Variants in DHX8 observed in about 807,000 individuals in gnomAD.
DHX8 encodes the protein DEAH-box helicase 8.
Under a neutral mutation model 140.7 loss-of-function variants are expected in DHX8, and 67 were observed. That is an observed-to-expected ratio of 0.48 (90% confidence interval 0.39 to 0.58). The LOEUF (loss-of-function observed/expected upper bound fraction) is 0.58, where lower values mean the gene tolerates loss of function less well. DHX8 is among the 20% of genes least tolerant of loss of function. The pLI, the probability that DHX8 is intolerant of heterozygous loss-of-function variation, is 0.00. For synonymous variants in DHX8, 533 were observed against 553.2 expected, an observed-to-expected ratio of 0.96 and a Z score of 0.51; for missense variants, 887 against 1,550.7, an observed-to-expected ratio of 0.57 and a Z score of 7.19.
chr17:43,490,742 C>T (rs1458411368), intron 3 of DHX8, among the ~76,000 whole-genome samples: 2 of 152,084 alleles, frequency 1.3e-5, no homozygotes, highest in East Asian at 1.9e-4. Flanking sequence ...GGCATGATGG[C>T]GTGCCTCCGT....
At chr17:43,529,723 C>G (rs769744536), downstream of DHX8, 12 of 1,590,568 alleles carry the variant, frequency 7.5e-6, no homozygotes, top group Non-Finnish European at 1.0e-5. Flanking sequence ...TCTTTTGGTC[C>G]CCCAAGCAAC....
chr17:43,542,735 T>G (rs760494186), intron 3 of DHX8, among the ~76,000 whole-genome samples: 8 of 152,196 alleles, frequency 5.3e-5, no homozygotes, highest in Non-Finnish European at 1.2e-4. Context: ...TTCCTGTATC[T>G]GCCCGGCTCC....
At chr17:43,507,255 A>C (rs532606984) in intron 13 of DHX8, 58 bp downstream of exon 13, 1 of 1,518,012 alleles carries the variant, frequency 6.6e-7, no homozygotes, top group African/African-American at 1.4e-5. Flanking sequence ...AGGTCTCTTA[A>C]TCTATCAAAT....
At chr17:43,526,317 C>T (rs894463038), downstream of DHX8, 21 of 1,422,048 alleles carry the variant, frequency 1.5e-5, no homozygotes, top group South Asian at 3.0e-5. Context: ...ACCCCCACCC[C>T]GCGAGAACCA....
chr17:43,493,142 T>C (rs1968637684), intron 6 of DHX8, 102 bp downstream of exon 6: 4 of 1,468,234 alleles, frequency 2.7e-6, no homozygotes, highest in African/African-American at 1.4e-5. Flanking sequence ...AATGACACTT[T>C]AGTCAAATCA....
intron 11 of DHX8, among the ~76,000 whole-genome samples, chr17:43,501,954 G>A (rs565401872): frequency 1.3e-5 from 2 of 152,308 alleles, no homozygotes; most frequent in Admixed American, 6.5e-5. Context: ...CAAAGAGGAG[G>A]GATGTACTTG....
chr17:43,499,585 T>G (rs1969065602), intron 10 of DHX8, among the ~76,000 whole-genome samples: 1 of 152,226 alleles, frequency 6.6e-6, no homozygotes, highest in Non-Finnish European at 1.5e-5. Flanking sequence ...TCGCTAGTTC[T>G]TCTTTAGGCA....
intron 16 of DHX8, among the ~76,000 whole-genome samples, chr17:43,511,501 A>G (rs1969833830): frequency 1.2e-5 from 1 of 85,698 alleles, no homozygotes; most frequent in Non-Finnish European, 2.1e-5. Context: ...TCTGTCATCC[A>G]GGCTGGAATG....
chr17:43,539,973 T>G (rs992560835), intron 3 of DHX8, among the ~76,000 whole-genome samples: 1 of 152,174 alleles, frequency 6.6e-6, no homozygotes, highest in Non-Finnish European at 1.5e-5. Flanking sequence ...AAACGAGAAC[T>G]TAGGACAAGT....
chr17:43,523,472 G>A (rs1465344402), intron 22 of DHX8, among the ~76,000 whole-genome samples, 156 bp from the exon 23 acceptor site: 2 of 152,202 alleles, frequency 1.3e-5, no homozygotes, highest in Non-Finnish European at 2.9e-5. Context: ...CAGTATTGGG[G>A]TGTGGCTGTC....
At chr17:43,500,642 G>A (rs1029676893) in intron 11 of DHX8, among the ~76,000 whole-genome samples, 7 of 152,014 alleles carry the variant, frequency 4.6e-5, no homozygotes, top group Admixed American at 1.3e-4. Context: ...ATTCTAGCGC[G>A]GTGTCTCATG....
intron 3 of DHX8, among the ~76,000 whole-genome samples, chr17:43,538,050 A>T (rs998526799): frequency 6.6e-6 from 1 of 151,504 alleles, no homozygotes; most frequent in African/African-American, 2.4e-5. Context: ...CTGAGGCAAG[A>T]GAATGGCGTG....
rs149106066 is a variant in DHX8, at chr17:43,536,765, G to T, written c.*20+267G>T. 6.0e-3 allele frequency among the ~76,000 whole-genome samples: 907 copies of T among 152,346 alleles called. 11 individuals carry two copies. The highest frequency in any genetic ancestry group is 0.02 in the African/African-American group (846 of 41,564). On this transcript the variant is annotated intron_variant, in intron 3 of 3. Transcript: ENST00000589898. ...CTGGGCCGCATTCAAAGCTACCCTG[G>T]GCTGAAAGTGGCCCACAGGCCCACG...
chr17:43,516,789 G>T (rs1273979573), intron 17 of DHX8, among the ~76,000 whole-genome samples: 1 of 152,090 alleles, frequency 6.6e-6, no homozygotes, highest in African/African-American at 2.4e-5. Context: ...GTCATCATTG[G>T]GATGATTGAC....
chr17:43,513,410 A>G lies in DHX8; in HGVS notation c.2551A>G (p.Ile851Val), dbSNP rs1288109265. 2.5e-6 allele frequency: 4 copies of G among 1,613,880 alleles called. No homozygotes were observed. Among genetic ancestry groups the G allele is most frequent in the Admixed American group, 1.7e-5 (1 of 59,986 alleles). The change falls in exon 17 of 23, where the codon ATC (isoleucine) becomes GTC (valine). Residue 851 changes from isoleucine to valine, a missense_variant. Ile to Val is a conservative substitution (Grantham distance 29). This residue lies in a region of DHX8 where 151 missense variants were observed against 388.3 expected (regional missense o/e 0.39). Coordinates refer to ENST00000262415, the MANE Select transcript of DHX8 (RefSeq NM_004941.3). ...AGAGACATCGCTGACTATTGATGGTATCTACTATGTGGTGGACCCAGGATT... is the reference window on the plus strand; with the variant it reads ...AGAGACATCGCTGACTATTGATGGTGTCTACTATGTGGTGGACCCAGGATT... ...IAETSLTIDG[I>V]YYVVDPGFVK...
At chr17:43,484,923 G>A (rs1321170964) in intron 1 of DHX8, among the ~76,000 whole-genome samples, 1 of 152,216 alleles carries the variant, frequency 6.6e-6, no homozygotes, top group Non-Finnish European at 1.5e-5. Flanking sequence ...GATTACAGGC[G>A]TGAGCCATTG....
At chr17:43,509,673 T>C (rs1777640252) in intron 16 of DHX8, among the ~76,000 whole-genome samples, 1 of 151,418 alleles carries the variant, frequency 6.6e-6, no homozygotes, top group Admixed American at 6.6e-5. Flanking sequence ...TTTTTGTTTT[T>C]GTGTTTTTTT....
At chr17:43,502,417 TTTTAGTTTAG>T (rs1044166157) in intron 11 of DHX8, among the ~76,000 whole-genome samples, 4 of 152,194 alleles carry the variant, frequency 2.6e-5, no homozygotes, top group African/African-American at 9.6e-5. Flanking sequence ...TGTTTTGTTA[TTTTAGTTTAG>T]TTTAGTTTAG....
downstream of DHX8, chr17:43,528,746 A>G (rs374434637): frequency 7.4e-6 from 12 of 1,613,140 alleles, no homozygotes; most frequent in East Asian, 1.1e-4. Context: ...CCAGCCACCT[A>G]TGGGGAGAGA....
Sources: gnomAD v4.1 joint callset for allele counts (sites outside exome capture counted in the v4.1 genomes callset) on GRCh38, gnomAD v4.1.1 for gene constraint, gnomAD v4.1.1 regional missense constraint, MANE v1.5 for transcripts, NCBI Gene and HGNC (gene_info 2026-07-23, HGNC 2026-07-21) for gene names.